ITGB7: variants seen among roughly 807,000 people sequenced by gnomAD.
ITGB7 encodes integrin subunit beta 7.
ITGB7 carries 55 observed loss-of-function variants against 83.4 expected under a neutral mutation model. The observed-to-expected ratio is 0.66, with a 90% CI of 0.53 to 0.83. The LOEUF is 0.83. Among genes scored for constraint, ITGB7 ranks in the 40% least tolerant of loss-of-function variants. The pLI, the probability that ITGB7 is intolerant of heterozygous loss-of-function variation, is 0.00. For missense variants in ITGB7, 921 were observed against 1,046.7 expected, an observed-to-expected ratio of 0.88 and a Z score of 1.66; for synonymous variants, 454 against 423.6, an observed-to-expected ratio of 1.07 and a Z score of -0.88.
chr12:53,205,921 C>T (rs11574529), intron 1 of ITGB7, among the ~76,000 whole-genome samples: 4,067 of 152,238 alleles, frequency 0.027, 106 homozygotes, highest in East Asian at 0.12. Flanking sequence ...TCAGCCTCAG[C>T]GTAACCTCAG....
intron 15 of ITGB7, 80 bp downstream of exon 15, chr12:53,191,779 G>T: frequency 6.3e-7 from 1 of 1,587,644 alleles, no homozygotes; most frequent in Non-Finnish European, 8.6e-7. Flanking sequence ...AGGGGCTGGG[G>T]GAACCCAGTG....
In ITGB7 at chr12:53,193,926, A is replaced by G. The variant is rs370671020; in HGVS notation, c.1309-25T>C. On this transcript the variant is annotated intron_variant, in intron 10 of 15. Coordinates refer to ENST00000267082, the MANE Select transcript of ITGB7 (RefSeq NM_000889.3). ...CCTGAGAAGAGGCAGGAATCAGGCC[A>G]TGGTTATACACATGCACACACACAT... 1,217 of 1,595,938 alleles carry G rather than the reference A, an allele frequency of 7.6e-4. 1 individual carries two copies. The highest frequency in any genetic ancestry group is 1.1e-3 in the Admixed American group (62 of 58,812).
At chr12:53,203,555 C>A (rs992087531) in intron 1 of ITGB7, among the ~76,000 whole-genome samples, 1 of 138,666 alleles carries the variant, frequency 7.2e-6, no homozygotes, top group African/African-American at 2.7e-5. Context: ...AACTGAGGCA[C>A]AAGAATCGCT....
At position 53,197,672 on chromosome 12, in the gene ITGB7, T is replaced by A; in HGVS notation, c.404-9A>T. The A allele has an allele frequency of 6.2e-7, 1 of 1,612,462 alleles. No homozygotes were observed. Among genetic ancestry groups the A allele is most frequent in the Non-Finnish European group, 8.5e-7 (1 of 1,179,376 alleles). The stretch of plus-strand genomic sequence containing the variant: ...GAGCTGCTGGGGCTCCCCTAGGGGG[T>A]GGGCGGCGGGCGGGTCAGCAGAGCG... On this transcript the variant is annotated splice_polypyrimidine_tract_variant and intron_variant, in intron 4 of 15. Coordinates refer to ENST00000267082, the MANE Select transcript of ITGB7 (RefSeq NM_000889.3).
intron 14 of ITGB7, 88 bp from the exon 15 acceptor site, chr12:53,192,107 C>T: frequency 2.0e-6 from 3 of 1,479,968 alleles, no homozygotes; most frequent in Non-Finnish European, 2.7e-6. Flanking sequence ...CCTGTCCAAC[C>T]CTGTCTGTCA....
intron 6 of ITGB7, 77 bp downstream of exon 6, chr12:53,196,502 G>A (rs994114280): frequency 1.4e-5 from 22 of 1,527,488 alleles, no homozygotes; most frequent in Non-Finnish European, 1.9e-5. Context: ...CCCTAGAACT[G>A]TGCACTACAC....
At chr12:53,203,287 T>C (rs1565709499) in intron 1 of ITGB7, among the ~76,000 whole-genome samples, 1 of 152,138 alleles carries the variant, frequency 6.6e-6, no homozygotes, top group African/African-American at 2.4e-5. Flanking sequence ...TCAAAGAAGA[T>C]AGACAAATAG....
Position 53,193,315 on chromosome 12 carries a change from C to G in ITGB7, c.1551G>C (p.Glu517Asp). The G allele has an allele frequency of 6.2e-7, 1 of 1,608,912 alleles. No homozygotes were observed. Residue 517 changes from glutamate (E) to aspartate (D), a missense_variant, in exon 12 of 16, where the codon GAG (glutamate) becomes GAC (aspartate). By Grantham distance (45) the Glu-to-Asp change is conservative. Coordinates refer to ENST00000267082, the MANE Select transcript of ITGB7 (RefSeq NM_000889.3). ...LGRLCECSVA[E>D]LSSPDLESGC... is the part of the protein sequence containing the mutation. ...CAGATTCCAGGTCTGGGGAGGACAG[C>G]TCTGCCACAGAGCACTCACAGAGCC...
At chr12:53,193,938 A>T (rs762905069) in intron 10 of ITGB7, 37 bp from the exon 11 acceptor site, 41 of 1,563,614 alleles carry the variant, frequency 2.6e-5, no homozygotes, top group Non-Finnish European at 3.6e-5. Flanking sequence ...GGTTATACAC[A>T]TGCACACACA....
intron 14 of ITGB7, 50 bp from the exon 15 acceptor site, chr12:53,192,069 G>A (rs1373051359): frequency 2.5e-6 from 4 of 1,585,436 alleles, no homozygotes; most frequent in Non-Finnish European, 3.4e-6. Context: ...CATAGGGACA[G>A]ATCATCAGTT....
intron 9 of ITGB7, 130 bp from the exon 10 acceptor site, chr12:53,194,474 T>G: frequency 1.1e-6 from 1 of 879,308 alleles, no homozygotes; most frequent in Non-Finnish European, 1.8e-6. Flanking sequence ...CCTTCCATTC[T>G]GCCCAGTCGA....
chr12:53,196,704 G>T lies in ITGB7; in HGVS notation c.691C>A (p.His231Asn), dbSNP rs1942174396. The change falls in exon 6 of 16, where the codon CAT (histidine) becomes AAT (asparagine). Residue 231 changes from histidine to asparagine, a missense_variant. Physicochemically the swap from His to Asn is moderately conservative, Grantham distance 68. Coordinates refer to ENST00000267082, the MANE Select transcript of ITGB7 (RefSeq NM_000889.3). ...GCGTCCCCCGTCAGGGACAGCACAT[G>T]GTGAAAGCTGAATGGTGACTGGCAG... The part of the protein sequence containing the change: ...ERCQSPFSFH[H>N]VLSLTGDAQA... 6.2e-7 allele frequency: 1 copy of T among 1,612,680 alleles called. No homozygotes were observed.
chr12:53,191,982 G>A lies in ITGB7; in HGVS notation c.2193C>T (p.Cys731=), dbSNP rs370893853. 15 of 1,612,320 alleles carry A rather than the reference G, an allele frequency of 9.3e-6. No individual in the cohort carries two copies. The highest frequency in any genetic ancestry group is 5.0e-5 in the Admixed American group (3 of 59,952). ...ADHTQAIVLG[C]VGGIVAVGLG... is the part of the protein sequence containing the mutation. ...GCCCCACTGCCACGATGCCCCCTAC[G>A]CAGCCCAGCACAATGGCCTGCGTGT... Residue 731 remains cysteine (C), a synonymous_variant, in exon 15 of 16, where the codon TGC becomes TGT. Coordinates refer to ENST00000267082, the MANE Select transcript of ITGB7 (RefSeq NM_000889.3).
At chr12:53,196,242 C>A in intron 6 of ITGB7, 43 bp from the exon 7 acceptor site, 1 of 1,599,476 alleles carries the variant, frequency 6.3e-7, no homozygotes, top group Non-Finnish European at 8.6e-7. Flanking sequence ...CTGGGCATGG[C>A]CCTTGAGCCA....
In ITGB7 at chr12:53,200,418, A is replaced by G. The variant is rs776140771; in HGVS notation, c.26T>C (p.Val9Ala). ...ACCTCTGCTCAGGACCAGCAGCAAAACAAGGACCATTGGCAAAGCCACCAT... is the reference window on the plus strand; with the variant it reads ...ACCTCTGCTCAGGACCAGCAGCAAAGCAAGGACCATTGGCAAAGCCACCAT... MVALPMVL[V>A]LLLVLSRGES... Residue 9 changes from valine (V) to alanine (A), a missense_variant, in exon 3 of 16, where the codon GTT becomes GCT. Val to Ala is a moderately conservative substitution (Grantham distance 64, BLOSUM62 0). Coordinates refer to ENST00000267082, the MANE Select transcript of ITGB7 (RefSeq NM_000889.3). 6 of 1,614,162 alleles carry G rather than the reference A, an allele frequency of 3.7e-6. No individual in the cohort carries two copies. The highest frequency in any genetic ancestry group is 5.1e-6 in the Non-Finnish European group (6 of 1,180,022).
rs913811100 is a variant in ITGB7, at chr12:53,197,870, C to T, written c.283G>A (p.Glu95Lys). 3.9e-6 allele frequency: 6 copies of T among 1,534,628 alleles called. No individual in the cohort carries two copies. In the African/African-American group the frequency reaches 4.1e-5, roughly 11 times the overall value. The change falls in exon 4 of 16, where the codon GAG becomes AAG. Residue 95 changes from glutamate to lysine, a missense_variant. By Grantham distance (56) the Glu-to-Lys change is moderately conservative. Transcript: ENST00000267082. ...TGCTGGCCGCGGGGCTCCTCCAGCT[C>T]CTCCAGCGGGCAGCCTCGAGCCAGC... ...ELLARGCPLE[E>K]LEEPRGQQEV... is the part of the protein sequence containing the mutation.
chr12:53,195,924 A>G, intron 7 of ITGB7, 117 bp downstream of exon 7: 1 of 1,218,202 alleles, frequency 8.2e-7, no homozygotes, highest in South Asian at 1.4e-5. Flanking sequence ...GCTGGAGAAG[A>G]TGGCAGGGTG....
chr12:53,196,942 G>A, intron 5 of ITGB7, 122 bp from the exon 6 acceptor site: 2 of 1,162,284 alleles, frequency 1.7e-6, no homozygotes, highest in Non-Finnish European at 2.4e-6. Context: ...GCACCTAGGG[G>A]GCAGGGACCT....
At chr12:53,193,500 T>G in intron 11 of ITGB7, 137 bp from the exon 12 acceptor site, 1 of 764,442 alleles carries the variant, frequency 1.3e-6, no homozygotes, top group East Asian at 2.7e-5. Flanking sequence ...TTAAGTATAG[T>G]GAAACACTGA....
Sources: gnomAD v4.1 joint callset for allele counts (sites outside exome capture counted in the v4.1 genomes callset) on GRCh38, gnomAD v4.1.1 for gene constraint, MANE v1.5 for transcripts, NCBI Gene and HGNC (gene_info 2026-07-23, HGNC 2026-07-21) for gene names.